The following SLCO1B3 variants were observed in gnomAD, a reference collection of about 807,000 sequenced individuals.
The protein encoded by SLCO1B3 is liver-specific organic anion transporter 2.
In SLCO1B3, 72 loss-of-function variants were observed where a neutral mutation model predicts 71.8. The observed-to-expected ratio is 1.00, with a 90% CI of 0.83 to 1.22. SLCO1B3 has a LOEUF of 1.22. SLCO1B3 is among the 50% of genes most tolerant of loss of function. The pLI, the probability that SLCO1B3 is intolerant of heterozygous loss-of-function variation, is 0.00. For synonymous variants in SLCO1B3, 298 were observed against 278.4 expected (o/e 1.07, Z -0.70); for missense variants, 911 against 819.7 (o/e 1.11, Z -1.36).
chr12:20,892,775 A>G (rs1044260807), intron 13 of SLCO1B3, among the ~76,000 whole-genome samples: 1 of 152,290 alleles, frequency 6.6e-6, no homozygotes, highest in Non-Finnish European at 1.5e-5. Flanking sequence ...GACAGGGAAA[A>G]TGGACTAGTA....
At chr12:20,855,004 C>A in intron 3 of SLCO1B3, 24 bp from the exon 4 acceptor site, 1 of 1,601,932 alleles carries the variant, frequency 6.2e-7, no homozygotes, top group South Asian at 1.1e-5. Context: ...AACCAATTTT[C>A]ATTTTTTCTT....
intron 3 of SLCO1B3, among the ~76,000 whole-genome samples, chr12:20,837,457 A>C (rs907417614): frequency 6.6e-6 from 1 of 152,120 alleles, no homozygotes; most frequent in African/African-American, 2.4e-5. Context: ...ATTCAGTGTA[A>C]TAAATTTTCC....
intron 9 of SLCO1B3, 104 bp downstream of exon 9, chr12:20,875,581 T>C: frequency 8.5e-7 from 1 of 1,177,606 alleles, no homozygotes; most frequent in Non-Finnish European, 1.2e-6. Context: ...AGAGTCAGCT[T>C]TCTTCTCTGC....
At chr12:20,834,895 C>T (rs140344073) in intron 3 of SLCO1B3, among the ~76,000 whole-genome samples, 90 of 152,268 alleles carry the variant, frequency 5.9e-4, no homozygotes, top group African/African-American at 2.1e-3. Context: ...TGGGAGCTCT[C>T]GCCCCACATT....
chr12:20,823,094 G>C (rs974999369), intron 3 of SLCO1B3, among the ~76,000 whole-genome samples: 5 of 152,056 alleles, frequency 3.3e-5, no homozygotes, highest in Non-Finnish European at 7.3e-5. Context: ...AGGAGGAAGA[G>C]AGACAAACAC....
chr12:20,874,947 T>C (rs1181822964), intron 8 of SLCO1B3, among the ~76,000 whole-genome samples: 1 of 152,144 alleles, frequency 6.6e-6, no homozygotes, highest in African/African-American at 2.4e-5. Flanking sequence ...TGTCCAATGA[T>C]GACAGCTGTC....
chr12:20,857,435 C>G (rs1240364377), intron 4 of SLCO1B3, among the ~76,000 whole-genome samples: 4 of 151,880 alleles, frequency 2.6e-5, no homozygotes, highest in Admixed American at 2.6e-4. Flanking sequence ...ATTTTTTCCT[C>G]TGAATTTCTA....
chr12:20,903,794 C>G (rs1223744465), intron 15 of SLCO1B3, among the ~76,000 whole-genome samples: 1 of 152,090 alleles, frequency 6.6e-6, no homozygotes, highest in Non-Finnish European at 1.5e-5. Flanking sequence ...CCCAAATCTC[C>G]TGTTCTTCTC....
chr12:20,872,246 A>G (rs1865489311), intron 8 of SLCO1B3, among the ~76,000 whole-genome samples: 1 of 151,708 alleles, frequency 6.6e-6, no homozygotes, highest in South Asian at 2.1e-4. Flanking sequence ...TCAGTTTATT[A>G]TGAATGCTGC....
intron 4 of SLCO1B3, among the ~76,000 whole-genome samples, chr12:20,858,004 G>A (rs1036117684): frequency 1.3e-5 from 2 of 151,942 alleles, no homozygotes; most frequent in Admixed American, 6.6e-5. Flanking sequence ...TGTGTTTCTA[G>A]AGAACAAGTA....
intron 3 of SLCO1B3, among the ~76,000 whole-genome samples, chr12:20,836,001 T>C (rs111246682): frequency 2.0e-4 from 31 of 152,274 alleles, no homozygotes; most frequent in African/African-American, 6.7e-4. Context: ...CTCACAATCA[T>C]GGTGAAACGC....
chr12:20,832,629 T>C (rs1864568862), intron 3 of SLCO1B3, among the ~76,000 whole-genome samples: 1 of 152,138 alleles, frequency 6.6e-6, no homozygotes, highest in African/African-American at 2.4e-5. Context: ...CTGGGTCTCT[T>C]TTCTCCGGCC....
intron 9 of SLCO1B3, among the ~76,000 whole-genome samples, 184 bp downstream of exon 9, chr12:20,875,661 A>G (rs1565598338): frequency 6.6e-6 from 1 of 152,162 alleles, no homozygotes; most frequent in Non-Finnish European, 1.5e-5. Context: ...GTACATAAAA[A>G]GGGGAAGAGG....
At position 20,877,926 on chromosome 12, in the gene SLCO1B3, C is replaced by T. The variant is rs1189437478; in HGVS notation, c.1125C>T (p.Asn375=). The change falls in exon 10 of 16, where the codon AAC becomes AAT. Residue 375 remains asparagine, a synonymous_variant. Transcript: ENST00000381545. ...QQYGQSASHA[N]FLLGIITIPT... is the part of the protein sequence containing the mutation. ...ACGGTCAGTCTGCATCTCATGCTAA[C>T]TTTTTGTTGGGTAAGACATATTTTT... The T allele has an allele frequency of 6.3e-7, 1 of 1,587,808 alleles. No individual in the cohort carries two copies. The highest frequency in any genetic ancestry group is 2.3e-5 in the East Asian group (1 of 42,670).
chr12:20,869,900 G>T (rs1444340953), intron 8 of SLCO1B3, among the ~76,000 whole-genome samples: 1 of 152,018 alleles, frequency 6.6e-6, no homozygotes, highest in Admixed American at 6.6e-5. Context: ...ATTTTTTGAG[G>T]AAACTTCATA....
At chr12:20,870,418 A>T (rs1865454896) in intron 8 of SLCO1B3, among the ~76,000 whole-genome samples, 1 of 152,148 alleles carries the variant, frequency 6.6e-6, no homozygotes, top group Non-Finnish European at 1.5e-5. Context: ...AGACAAATGT[A>T]ATGAAATTCT....
At chr12:20,900,588 C>T (rs1866109460) in intron 14 of SLCO1B3, among the ~76,000 whole-genome samples, 1 of 152,144 alleles carries the variant, frequency 6.6e-6, no homozygotes, top group South Asian at 2.1e-4. Context: ...TGGGACAGAC[C>T]ACTGAAAATA....
chr12:20,916,256 T>G lies in SLCO1B3; in HGVS notation c.*9T>G. 1 of 1,609,212 alleles carries G rather than the reference T, an allele frequency of 6.2e-7. No individual in the cohort carries two copies. Among genetic ancestry groups the G allele is most frequent in the South Asian group, 1.1e-5 (1 of 90,756 alleles). On this transcript the variant is annotated 3_prime_UTR_variant, in exon 16 of 16. Transcript: ENST00000381545. Reference sequence around the variant, plus strand: ...ATGCTGCTGCCAACTAACATTGCATTGATTCATTAAGATGTTATTTTTGAG... The same window carrying G: ...ATGCTGCTGCCAACTAACATTGCATGGATTCATTAAGATGTTATTTTTGAG...
intron 15 of SLCO1B3, among the ~76,000 whole-genome samples, chr12:20,903,073 CAA>C (rs55777703): frequency 2.3e-5 from 3 of 128,516 alleles, no homozygotes; most frequent in Non-Finnish European, 3.3e-5. Context: ...GATTCCATCT[CAA>C]AAAAAAAAAA....
Sources: gnomAD v4.1 joint callset for allele counts (sites outside exome capture counted in the v4.1 genomes callset) on GRCh38, gnomAD v4.1.1 for gene constraint, MANE v1.5 for transcripts, NCBI Gene and HGNC (gene_info 2026-07-23, HGNC 2026-07-21) for gene names.